ACOT7: variants seen among roughly 807,000 people sequenced by gnomAD.
ACOT7 encodes acyl-CoA thioesterase 7.
A neutral mutation model predicts 40.2 loss-of-function variants in ACOT7; 12 were observed. The observed-to-expected ratio is 0.30, with a 90% CI of 0.19 to 0.48. The LOEUF (loss-of-function observed/expected upper bound fraction) is 0.48, where lower values mean the gene tolerates loss of function less well. Among genes scored for constraint, ACOT7 ranks in the 20% least tolerant of loss-of-function variants. The pLI is 0.99. For missense variants in ACOT7, 395 were observed against 530.8 expected (o/e 0.74, Z 2.51); for synonymous variants, 228 against 219.5 (o/e 1.04, Z -0.34).
In ACOT7 at chr1:6,358,354, C is replaced by T. The variant is rs1641806187; in HGVS notation, c.144-8488G>A. Among the ~76,000 whole-genome samples the T allele has an allele frequency of 6.6e-6, 1 of 152,154 alleles. No homozygotes were observed. The highest frequency in any genetic ancestry group is 2.4e-5 in the African/African-American group (1 of 41,452). ...AGAGGCCAACAATGGCCCTGAGCTC[C>T]CAGCCTCCATTTTGGCCAGGGGCAG... is the stretch of plus-strand genomic sequence containing the variant. On this transcript the variant is annotated intron_variant, in intron 1 of 8. Coordinates refer to ENST00000361521, the MANE Select transcript of ACOT7 (RefSeq NM_007274.4). This position sits in a 1 kb window ranked among gnomAD's most constrained non-coding sequence, Gnocchi z 4.1.
Position 6,294,231 on chromosome 1 carries a change from TG to T in ACOT7, c.829+632del, listed in dbSNP as rs1639750516. Among the ~76,000 whole-genome samples the T allele has an allele frequency of 6.6e-6, 1 of 152,242 alleles. No homozygotes were observed. The highest frequency in any genetic ancestry group is 1.5e-5 in the Non-Finnish European group (1 of 68,042). On this transcript the variant is annotated intron_variant, in intron 7 of 8. Coordinates refer to ENST00000361521, the MANE Select transcript of ACOT7 (RefSeq NM_007274.4). This position sits in a 1 kb window ranked among gnomAD's most constrained non-coding sequence, Gnocchi z 4.6. ...TCACCACGTGTCAGGTGCACTTCAC[TG>T]TACTTCTGCAGAGAGCAGTCACATA... is the stretch of plus-strand genomic sequence containing the variant.
At chr1:6,368,825 ACTG>A (rs1401187249) in intron 1 of ACOT7, among the ~76,000 whole-genome samples, 2 of 152,098 alleles carry the variant, frequency 1.3e-5, no homozygotes, top group Non-Finnish European at 2.9e-5. Flanking sequence ...TGCTGCTGCC[ACTG>A]CTGCTCCCAC....
rs57599878 is a variant in ACOT7, at chr1:6,306,365, G to A, written c.713-11385C>T. ...GACCCGGCTGAGAGGAGGACCCAGT[G>A]TGGGCAGGACAAAGTGAGTTCCTGG... On this transcript the variant is annotated intron_variant, in intron 6 of 8. Coordinates refer to ENST00000361521, the MANE Select transcript of ACOT7 (RefSeq NM_007274.4). The surrounding 1 kb of genome is among the most constrained non-coding windows in gnomAD (Gnocchi z 4.3). The A allele has an allele frequency of 3.0e-4, 297 of 985,436 alleles. 1 individual carries two copies. The African/African-American group carries it at 4.9e-3, about 16-fold the overall frequency. The allele number at this position is 985,436 out of a possible 1,614,324, so 61.0% of individuals were successfully genotyped here.
chr1:6,322,738 T>C (rs1031855942), intron 5 of ACOT7, among the ~76,000 whole-genome samples: 1 of 152,224 alleles, frequency 6.6e-6, no homozygotes, highest in South Asian at 2.1e-4. Context: ...TTTCTTTACA[T>C]TCAGTGACAT....
chr1:6,298,613 G>A (rs976955112), intron 6 of ACOT7, among the ~76,000 whole-genome samples: 4 of 152,190 alleles, frequency 2.6e-5, no homozygotes, highest in Admixed American at 2.0e-4. Context: ...ATGCCGCTCC[G>A]GGTGCCAGGC....
intron 2 of ACOT7, among the ~76,000 whole-genome samples, chr1:6,348,706 CTG>C (rs1392044241): frequency 6.6e-6 from 1 of 152,236 alleles, no homozygotes; most frequent in East Asian, 1.9e-4. Context: ...GCCTCCAGGA[CTG>C]TGAGAAATGC....
At position 6,358,597 on chromosome 1, in the gene ACOT7, C is replaced by T. The variant is rs370704753; in HGVS notation, c.144-8731G>A. On this transcript the variant is annotated intron_variant, in intron 1 of 8. Coordinates refer to ENST00000361521, the MANE Select transcript of ACOT7 (RefSeq NM_007274.4). This position sits in a 1 kb window ranked among gnomAD's most constrained non-coding sequence, Gnocchi z 4.1. ...TGGTCCGTCAGGGGACCCCAGCTCACGCAGGCCTGCACTTCCTATCCCAGC... is the reference window on the plus strand; with the variant it reads ...TGGTCCGTCAGGGGACCCCAGCTCATGCAGGCCTGCACTTCCTATCCCAGC... Among the ~76,000 whole-genome samples, 7 of 152,238 alleles carry T rather than the reference C, an allele frequency of 4.6e-5. No individual in the cohort carries two copies. Among genetic ancestry groups the T allele is most frequent in the South Asian group, 2.1e-4 (1 of 4,832 alleles).
chr1:6,378,672 T>G (rs1230247182), intron 1 of ACOT7, among the ~76,000 whole-genome samples: 1 of 151,722 alleles, frequency 6.6e-6, no homozygotes, highest in African/African-American at 2.4e-5. Flanking sequence ...TGTGGGGACC[T>G]ACCCCCAGGG....
chr1:6,379,341 C>G (rs1642293038), intron 1 of ACOT7, among the ~76,000 whole-genome samples: 1 of 151,944 alleles, frequency 6.6e-6, no homozygotes, highest in African/African-American at 2.4e-5. Flanking sequence ...AATGCCTGCT[C>G]CCCAGCCTAT....
chr1:6,362,036 T>C (rs1641903472), intron 1 of ACOT7, among the ~76,000 whole-genome samples: 2 of 152,238 alleles, frequency 1.3e-5, no homozygotes, highest in African/African-American at 4.8e-5. Context: ...CAGTAGGCTG[T>C]GAGCATCCCT....
rs762718934 is a variant in ACOT7, at chr1:6,306,656, C to T, written c.713-11676G>A. 68 of 985,236 alleles carry T rather than the reference C, an allele frequency of 6.9e-5. No homozygotes were observed. The highest frequency in any genetic ancestry group is 7.7e-5 in the Non-Finnish European group (64 of 829,918). 61.0% of individuals were successfully genotyped at this position (985,236 alleles called of 1,614,324 possible). A position where few individuals can be genotyped will look rare whatever the true frequency, so the allele number is the denominator to read the frequency against. ...CCACTCAGCTTCACGAGGAAGAAAGCGGCGTCCCAAAGCATTTGTTTGTTC... is the reference window on the plus strand; with the variant it reads ...CCACTCAGCTTCACGAGGAAGAAAGTGGCGTCCCAAAGCATTTGTTTGTTC... On this transcript the variant is annotated intron_variant, in intron 6 of 8. Coordinates refer to ENST00000361521, the MANE Select transcript of ACOT7 (RefSeq NM_007274.4). This position sits in a 1 kb window ranked among gnomAD's most constrained non-coding sequence, Gnocchi z 4.3.
intron 1 of ACOT7, among the ~76,000 whole-genome samples, chr1:6,371,714 A>G (rs1642137364): frequency 6.6e-6 from 1 of 152,022 alleles, no homozygotes; most frequent in South Asian, 2.1e-4. Flanking sequence ...AAAGTCCTAG[A>G]TGTTATCTTC....
intron 2 of ACOT7, among the ~76,000 whole-genome samples, chr1:6,341,962 G>A (rs562030838): frequency 1.3e-5 from 2 of 152,316 alleles, no homozygotes; most frequent in East Asian, 3.9e-4. Context: ...GACATGGACA[G>A]GTGGTGCTGC....
intron 3 of ACOT7, among the ~76,000 whole-genome samples, chr1:6,333,957 C>T (rs945999214): frequency 6.6e-6 from 1 of 152,182 alleles, no homozygotes; most frequent in Admixed American, 6.6e-5. Context: ...CTTCAGACCA[C>T]GTGGTTTAAG....
chr1:6,283,254 C>A (rs1187110372), intron 7 of ACOT7, among the ~76,000 whole-genome samples: 3 of 152,182 alleles, frequency 2.0e-5, no homozygotes, highest in Non-Finnish European at 4.4e-5. Context: ...ACCTCTGTCT[C>A]CCAGGTTTAA....
chr1:6,281,499 T>C (rs984248991), intron 7 of ACOT7, among the ~76,000 whole-genome samples: 2 of 152,242 alleles, frequency 1.3e-5, no homozygotes, highest in African/African-American at 2.4e-5. Context: ...TACGCTAAAA[T>C]TCAGCACTGA....
intron 1 of ACOT7, among the ~76,000 whole-genome samples, chr1:6,362,777 C>T (rs1326091328): frequency 2.0e-5 from 3 of 151,386 alleles, no homozygotes; most frequent in South Asian, 2.1e-4. Flanking sequence ...TGGCTAGGCG[C>T]GGTCGTGCAC....
chr1:6,345,635 G>A (rs11121694), intron 2 of ACOT7, among the ~76,000 whole-genome samples: 39,149 of 152,156 alleles, frequency 0.26, 6,166 homozygotes, highest in African/African-American at 0.45. Context: ...GACCATGCCC[G>A]GCATCCAGTG....
intron 6 of ACOT7, among the ~76,000 whole-genome samples, chr1:6,310,263 A>C (rs1640293287): frequency 6.6e-6 from 1 of 152,202 alleles, no homozygotes; most frequent in African/African-American, 2.4e-5. Flanking sequence ...GGCAGACCTC[A>C]GGGGCACACC....
Sources: gnomAD v4.1 joint callset for allele counts (sites outside exome capture counted in the v4.1 genomes callset) on GRCh38, gnomAD v4.1.1 for gene constraint, Gnocchi (gnomAD v3.1) non-coding constraint, MANE v1.5 for transcripts, NCBI Gene and HGNC (gene_info 2026-07-23, HGNC 2026-07-21) for gene names.